The following SOS2 variants were observed in gnomAD, a reference collection of about 807,000 sequenced individuals.
SOS2 encodes the protein SOS Ras/Rho guanine nucleotide exchange factor 2, also known as son of sevenless homolog 2.
SOS2 carries 65 observed loss-of-function variants against 148.2 expected under a neutral mutation model. The observed-to-expected ratio is 0.44, with a 90% CI of 0.36 to 0.54. The LOEUF is 0.54. SOS2 is among the 20% of genes least tolerant of loss of function. The pLI is 0.00. For synonymous variants in SOS2, 539 were observed against 537.1 expected (o/e 1.00, Z -0.05); for missense variants, 1,341 against 1,590.2 (o/e 0.84, Z 2.67).
At chr14:50,163,939 G>C (rs371760476) in intron 8 of SOS2, among the ~76,000 whole-genome samples, 17 of 152,240 alleles carry the variant, frequency 1.1e-4, no homozygotes, top group Admixed American at 3.9e-4. Context: ...ATTATAAGCT[G>C]TAAAGGAGAA....
chr14:50,219,590 T>C (rs1447054294), intron 1 of SOS2, among the ~76,000 whole-genome samples: 3 of 152,190 alleles, frequency 2.0e-5, no homozygotes, highest in Non-Finnish European at 4.4e-5. Context: ...AGGATATGTC[T>C]ACTAGCTTTA....
In SOS2 at chr14:50,170,091, A is replaced by G. The variant is rs1292664354; in HGVS notation, c.1068+4363T>C. ...CAGGCATGCACCACTATGTCCAGCT[A>G]ATCTGATTTTTTTTTTTTTTTTGTA... On this transcript the variant is annotated intron_variant, in intron 8 of 22. Coordinates refer to ENST00000216373, the MANE Select transcript of SOS2 (RefSeq NM_006939.4). Among the ~76,000 whole-genome samples, 3 of 149,404 alleles carry G rather than the reference A, an allele frequency of 2.0e-5. No individual in the cohort carries two copies. In the East Asian group the frequency reaches 5.9e-4, roughly 29 times the overall value.
chr14:50,205,909 C>CAA (rs34451226), intron 1 of SOS2, among the ~76,000 whole-genome samples: 3,599 of 135,446 alleles, frequency 0.027, 134 homozygotes, highest in African/African-American at 0.08. Context: ...AACTCCATCT[C>CAA]AAAAAAAAAA....
chr14:50,218,858 T>C (rs1360318094), intron 1 of SOS2, among the ~76,000 whole-genome samples: 1 of 152,184 alleles, frequency 6.6e-6, no homozygotes, highest in Non-Finnish European at 1.5e-5. Flanking sequence ...CTCATGGCTA[T>C]AATCCCAGCA....
In SOS2 at chr14:50,170,059, G is replaced by A. The variant is rs181278910; in HGVS notation, c.1068+4395C>T. On this transcript the variant is annotated intron_variant, in intron 8 of 22. Transcript: ENST00000216373. ...TCCTGCCTCAGCCTCCCTAGTAGCCGGGACCACAGGCATGCACCACTATGT... is the reference window on the plus strand; with the variant it reads ...TCCTGCCTCAGCCTCCCTAGTAGCCAGGACCACAGGCATGCACCACTATGT... Among the ~76,000 whole-genome samples, 54 of 151,610 alleles carry A rather than the reference G, an allele frequency of 3.6e-4. 1 individual carries two copies. Among genetic ancestry groups the A allele is most frequent in the African/African-American group, 1.1e-3 (45 of 41,362 alleles).
intron 14 of SOS2, among the ~76,000 whole-genome samples, chr14:50,146,148 A>AAG (rs1555369249): frequency 0.02 from 2,916 of 146,030 alleles, 63 homozygotes; most frequent in Non-Finnish European, 0.025. Flanking sequence ...AAAAAAAAAA[A>AAG]AAAAAAAGAA....
At chr14:50,231,156 G>A (rs779352048) in intron 1 of SOS2, 41 bp downstream of exon 1, 5 of 1,235,858 alleles carry the variant, frequency 4.0e-6, no homozygotes, top group East Asian at 6.1e-5. Flanking sequence ...AGCTCGGGGG[G>A]CCACGGGCCA....
At chr14:50,171,201 T>A (rs114768965) in intron 8 of SOS2, among the ~76,000 whole-genome samples, 1 of 151,814 alleles carries the variant, frequency 6.6e-6, no homozygotes, top group Non-Finnish European at 1.5e-5. Flanking sequence ...TTGGTAGGAA[T>A]GTACAATGGT....
intron 12 of SOS2, among the ~76,000 whole-genome samples, chr14:50,153,490 C>T (rs757682341): frequency 1.3e-5 from 2 of 152,108 alleles, no homozygotes; most frequent in Admixed American, 6.6e-5. Flanking sequence ...CTCTATATTA[C>T]AAAAGCTATT....
At chr14:50,192,627 G>A (rs1166239786) in intron 4 of SOS2, among the ~76,000 whole-genome samples, 2 of 152,132 alleles carry the variant, frequency 1.3e-5, no homozygotes, top group East Asian at 3.9e-4. Flanking sequence ...ACTTTGGGAG[G>A]CCAAGGCAGG....
Position 50,202,736 on chromosome 14 carries a change from TAAAAC to T in SOS2, c.213+1543_213+1547del, listed in dbSNP as rs578178388. On this transcript the variant is annotated intron_variant, in intron 2 of 22. Transcript: ENST00000216373. ...GGTGATAAAGCAAGACCCTGTCTCTTAAAACAAAACACAACAAAACCCAAACAATT... is the reference window on the plus strand; with the variant it reads ...GGTGATAAAGCAAGACCCTGTCTCTTAAAACACAACAAAACCCAAACAATT... Among the ~76,000 whole-genome samples, 609 of 151,690 alleles carry T rather than the reference TAAAAC, an allele frequency of 4.0e-3. 3 individuals are homozygous for T. The highest frequency in any genetic ancestry group is 6.9e-3 in the Middle Eastern group (2 of 290).
At chr14:50,150,810 C>G (rs1052612150) in intron 13 of SOS2, among the ~76,000 whole-genome samples, 1 of 152,014 alleles carries the variant, frequency 6.6e-6, no homozygotes, top group African/African-American at 2.4e-5. Flanking sequence ...GCAACCTCCA[C>G]CTCCCGGGTT....
chr14:50,133,250 T>TC (rs1566820395), intron 19 of SOS2, among the ~76,000 whole-genome samples: 1 of 128,240 alleles, frequency 7.8e-6, no homozygotes, highest in African/African-American at 3.3e-5. Context: ...TTCTTTTTTC[T>TC]TTTTTTTTTT....
At chr14:50,230,953 T>C (rs1887521296) in intron 1 of SOS2, 3 of 1,054,908 alleles carry the variant, frequency 2.8e-6, no homozygotes, top group Non-Finnish European at 3.5e-6. Context: ...CCTGACGAAA[T>C]GACTGCAACA....
chr14:50,158,493 A>G (rs1884889152), intron 11 of SOS2, 72 bp downstream of exon 11: 1 of 848,414 alleles, frequency 1.2e-6, no homozygotes, highest in Admixed American at 2.1e-5. Context: ...TTTATTAGGT[A>G]CTAGGCACTT....
intron 10 of SOS2, 78 bp downstream of exon 10, chr14:50,159,344 TCCCCAAGCC>T: frequency 2.5e-6 from 2 of 793,800 alleles, no homozygotes; most frequent in Non-Finnish European, 4.0e-6. Context: ...ATCCATTTTT[TCCCCAAGCC>T]TCAAATATTT....
At chr14:50,155,836 T>G (rs1302531796) in intron 12 of SOS2, 1 of 152,100 alleles carries the variant, frequency 6.6e-6, no homozygotes, top group East Asian at 1.9e-4. Flanking sequence ...CATAAATGTA[T>G]GTGTCATATC....
chr14:50,171,443 C>T (rs183970505), intron 8 of SOS2, among the ~76,000 whole-genome samples: 4 of 151,904 alleles, frequency 2.6e-5, no homozygotes, highest in Non-Finnish European at 4.4e-5. Context: ...CCCAGCATCT[C>T]GGGAGGCCAA....
intron 1 of SOS2, among the ~76,000 whole-genome samples, chr14:50,227,571 G>A (rs757081750): frequency 6.6e-6 from 1 of 151,918 alleles, no homozygotes. Context: ...CCGCCACCAC[G>A]CCCGGCTAAT....
Sources: allele counts gnomAD v4.1 joint callset (sites outside exome capture counted in the v4.1 genomes callset), GRCh38; gene constraint gnomAD v4.1.1; transcripts MANE v1.5; gene names NCBI Gene and HGNC (gene_info 2026-07-23, HGNC 2026-07-21).